PDE3A: variants seen among roughly 807,000 people sequenced by gnomAD.
PDE3A encodes the protein phosphodiesterase 3A, also known as cGMP-inhibited 3',5'-cyclic phosphodiesterase 3A.
PDE3A carries 43 observed loss-of-function variants against 98.3 expected under a neutral mutation model. The ratio of observed to expected loss-of-function variants is 0.44; its 90% CI spans 0.34 to 0.56. The LOEUF (loss-of-function observed/expected upper bound fraction) is 0.56. Among genes scored for constraint, PDE3A ranks in the 20% least tolerant of loss-of-function variants. The probability of loss-of-function intolerance (pLI) is 0.01; values close to 1 mark genes in which losing one functional copy is unlikely to be tolerated. For synonymous variants in PDE3A, 663 were observed against 567.9 expected (o/e 1.17, Z -2.38); for missense variants, 1,427 against 1,440.7 (o/e 0.99, Z 0.15).
chr12:20,674,859 G>C (rs1051262820), intron 15 of PDE3A, among the ~76,000 whole-genome samples: 1 of 151,492 alleles, frequency 6.6e-6, no homozygotes, highest in Non-Finnish European at 1.5e-5. Context: ...CTAGCTAGTG[G>C]CTTATTCATT....
chr12:20,671,601 A>C (rs377405276), intron 15 of PDE3A, among the ~76,000 whole-genome samples: 17 of 151,504 alleles, frequency 1.1e-4, no homozygotes, highest in South Asian at 2.1e-4. Flanking sequence ...ACAAAAACCA[A>C]ATGATTATCT....
chr12:20,578,168 C>A (rs1184684682), intron 2 of PDE3A, among the ~76,000 whole-genome samples: 1 of 152,136 alleles, frequency 6.6e-6, no homozygotes, highest in Non-Finnish European at 1.5e-5. Flanking sequence ...GTCTAATATG[C>A]TCCCCAGAGA....
At position 20,552,182 on chromosome 12, in the gene PDE3A, A is replaced by G; in HGVS notation, c.961-4478A>G. 1 of 1,613,824 alleles carries G rather than the reference A, an allele frequency of 6.2e-7. No individual in the cohort carries two copies. The highest frequency in any genetic ancestry group is 8.5e-7 in the Non-Finnish European group (1 of 1,179,888). ...CTCAACTGCTTTGCTCCCATCAATG[A>G]CCAAGAAGGGGCCGAGGCCAAGGAC... On this transcript the variant is annotated intron_variant, in intron 1 of 15. Transcript: ENST00000359062. The surrounding 1 kb of genome is among the most constrained non-coding windows in gnomAD (Gnocchi z 5.1).
chr12:20,541,907 T>C (rs1391419428), intron 1 of PDE3A, among the ~76,000 whole-genome samples: 1 of 152,148 alleles, frequency 6.6e-6, no homozygotes, highest in Non-Finnish European at 1.5e-5. Context: ...TTCTTCAGCA[T>C]TTAAGAACTT....
intron 1 of PDE3A, among the ~76,000 whole-genome samples, chr12:20,493,708 G>A (rs778410894): frequency 2.0e-5 from 3 of 151,962 alleles, no homozygotes; most frequent in Non-Finnish European, 4.4e-5. Context: ...TAAGCTCACC[G>A]CAGCCTCCGA....
chr12:20,539,197 A>G (rs1941832167), intron 1 of PDE3A, among the ~76,000 whole-genome samples: 1 of 152,176 alleles, frequency 6.6e-6, no homozygotes. Context: ...GCATATACAT[A>G]ATGAAATGTC....
chr12:20,646,722 CT>C (rs1315258614), intron 11 of PDE3A, 28 bp from the exon 12 acceptor site: 1 of 1,532,206 alleles, frequency 6.5e-7, no homozygotes, highest in Non-Finnish European at 9.0e-7. Context: ...TTTTTAAAAA[CT>C]TCTTTGACTC....
intron 1 of PDE3A, among the ~76,000 whole-genome samples, chr12:20,494,748 C>A (rs1565567313): frequency 6.6e-6 from 1 of 151,932 alleles, no homozygotes; most frequent in East Asian, 1.9e-4. Context: ...TCGTTCTGCA[C>A]TGAAATATTT....
At chr12:20,606,165 G>T (rs1943705515) in intron 2 of PDE3A, among the ~76,000 whole-genome samples, 1 of 150,926 alleles carries the variant, frequency 6.6e-6, no homozygotes, top group African/African-American at 2.4e-5. Context: ...TTTTTCCTTT[G>T]GGCACCTTTA....
At chr12:20,571,573 GT>G (rs1385502217) in intron 2 of PDE3A, among the ~76,000 whole-genome samples, 2 of 151,990 alleles carry the variant, frequency 1.3e-5, no homozygotes, top group African/African-American at 2.4e-5. Context: ...AACAAGGCCT[GT>G]TTTTTTCTGA....
chr12:20,527,171 G>A (rs973453945), intron 1 of PDE3A, among the ~76,000 whole-genome samples: 4 of 151,874 alleles, frequency 2.6e-5, no homozygotes, highest in Non-Finnish European at 5.9e-5. Context: ...TGCCTGCCTC[G>A]GATTACAGGG....
intron 15 of PDE3A, among the ~76,000 whole-genome samples, chr12:20,673,850 A>G (rs980236147): frequency 1.3e-5 from 1 of 77,008 alleles, no homozygotes; most frequent in Middle Eastern, 6.6e-3. Flanking sequence ...AAGTATAATA[A>G]AAATAAAAAT....
Position 20,687,655 on chromosome 12 carries a change from A to G in PDE3A, c.*7384A>G, listed in dbSNP as rs1156816193. Among the ~76,000 whole-genome samples the G allele has an allele frequency of 6.6e-6, 1 of 151,926 alleles. No homozygotes were observed. Among genetic ancestry groups the G allele is most frequent in the Non-Finnish European group, 1.5e-5 (1 of 67,898 alleles). On this transcript the variant is annotated 3_prime_UTR_variant, in exon 16 of 16. Transcript: ENST00000359062. Reference sequence around the variant, plus strand: ...CCCACCCCCTGATATTTCTTCCTCAAGTTTTCTATCATGCAAATCACAAAA... The same window carrying G: ...CCCACCCCCTGATATTTCTTCCTCAGGTTTTCTATCATGCAAATCACAAAA...
At chr12:20,535,729 C>T (rs12228896) in intron 1 of PDE3A, among the ~76,000 whole-genome samples, 38,360 of 152,026 alleles carry the variant, frequency 0.25, 6,100 homozygotes, top group East Asian at 0.38. Flanking sequence ...GTACAGGCAG[C>T]ATCCAACAGC....
chr12:20,385,461 A>G (rs1943738652), intron 1 of PDE3A, among the ~76,000 whole-genome samples: 1 of 152,010 alleles, frequency 6.6e-6, no homozygotes, highest in Non-Finnish European at 1.5e-5. Context: ...AGGATTATAA[A>G]TCATGCTGCT....
chr12:20,549,194 AACT>A (rs1942133834), intron 1 of PDE3A, among the ~76,000 whole-genome samples: 1 of 151,750 alleles, frequency 6.6e-6, no homozygotes, highest in South Asian at 2.1e-4. Flanking sequence ...TTTATCTGAG[AACT>A]ATGTTTTTAT....
intron 1 of PDE3A, among the ~76,000 whole-genome samples, chr12:20,391,555 G>T (rs1242530476): frequency 6.6e-6 from 1 of 150,872 alleles, no homozygotes; most frequent in African/African-American, 2.4e-5. Flanking sequence ...CTAGACTTGT[G>T]TTTATATATC....
chr12:20,635,437 G>T (rs534530696), intron 8 of PDE3A, among the ~76,000 whole-genome samples: 98 of 152,062 alleles, frequency 6.4e-4, no homozygotes, highest in Admixed American at 1.2e-3. Context: ...AATTAGCCGG[G>T]CGTGGTGGCA....
intron 1 of PDE3A, among the ~76,000 whole-genome samples, chr12:20,379,375 G>A (rs1943624635): frequency 6.6e-6 from 1 of 151,742 alleles, no homozygotes; most frequent in Non-Finnish European, 1.5e-5. Context: ...TTATTTCAGG[G>A]TCCAGCCTCA....
Sources: gnomAD v4.1 joint callset for allele counts (sites outside exome capture counted in the v4.1 genomes callset) on GRCh38, gnomAD v4.1.1 for gene constraint, Gnocchi (gnomAD v3.1) non-coding constraint, MANE v1.5 for transcripts, NCBI Gene and HGNC (gene_info 2026-07-23, HGNC 2026-07-21) for gene names.